The following RFX1 variants were observed in gnomAD, a reference collection of about 807,000 sequenced individuals.
The protein encoded by RFX1 is MHC class II regulatory factor RFX1.
In RFX1, 42 loss-of-function variants were observed where a neutral mutation model predicts 119.6. The ratio of observed to expected loss-of-function variants is 0.35; its 90% CI spans 0.27 to 0.45. The LOEUF is 0.45. Ranked by LOEUF, RFX1 falls within the 20% of genes least tolerant of loss-of-function variation. RFX1 has a pLI of 1.00. For missense variants in RFX1, 1,118 were observed against 1,368.1 expected (o/e 0.82, Z 2.88); for synonymous variants, 628 against 618.5 (o/e 1.02, Z -0.23).
intron 1 of RFX1, among the ~76,000 whole-genome samples, chr19:13,995,588 C>T (rs184360260): frequency 7.4e-4 from 112 of 152,304 alleles, no homozygotes; most frequent in Middle Eastern, 3.4e-3. Flanking sequence ...CAGTGGCTCA[C>T]GCCTGTAATC....
In RFX1 at chr19:13,965,530, C is replaced by G; in HGVS notation, c.2130G>C (p.Ala710=). The G allele has an allele frequency of 1.2e-6, 2 of 1,613,534 alleles. No homozygotes were observed. Among genetic ancestry groups the G allele is most frequent in the South Asian group, 2.2e-5 (2 of 91,066 alleles). The change falls in exon 16 of 21, where the codon GCG becomes GCC. Residue 710 remains alanine (A), a synonymous_variant. Coordinates refer to ENST00000254325, the MANE Select transcript of RFX1 (RefSeq NM_002918.5). The surrounding 1 kb of genome is among the most constrained non-coding windows in gnomAD (Gnocchi z 4.7). The part of the protein sequence containing the change: ...LRPIPSALTQ[A]IRNFAKSLES... Reference sequence around the variant, plus strand: ...CCAGGCTCTTGGCAAAGTTCCGGATCGCTTGGGTCAAGGCACCTGTGGGCG... The same window carrying G: ...CCAGGCTCTTGGCAAAGTTCCGGATGGCTTGGGTCAAGGCACCTGTGGGCG...
At chr19:13,992,899 T>C (rs1244577658) in intron 2 of RFX1, among the ~76,000 whole-genome samples, 1 of 152,132 alleles carries the variant, frequency 6.6e-6, no homozygotes, top group Admixed American at 6.6e-5. Flanking sequence ...TGGGAGGCTA[T>C]GGCAGGAGGA....
At chr19:13,973,949 TAAA>T (rs57115525) in intron 8 of RFX1, among the ~76,000 whole-genome samples, 1 of 141,082 alleles carries the variant, frequency 7.1e-6, no homozygotes. Context: ...TCTTTTTAAT[TAAA>T]AAAAAAAAAA....
chr19:14,005,323 C>T (rs549776394), intron 1 of RFX1, among the ~76,000 whole-genome samples: 1 of 152,340 alleles, frequency 6.6e-6, no homozygotes, highest in East Asian at 1.9e-4. Context: ...CTAGCTCCTC[C>T]ATGAAACTTT....
intron 8 of RFX1, among the ~76,000 whole-genome samples, chr19:13,976,113 G>A (rs1974247503): frequency 6.6e-6 from 1 of 152,230 alleles, no homozygotes; most frequent in Non-Finnish European, 1.5e-5. Context: ...CAACCACACA[G>A]TGAAAAGATT....
Position 13,968,739 on chromosome 19 carries a change from G to A in RFX1, c.1616+36C>T, listed in dbSNP as rs376559004. ...GGGGCCGGCCTGTGTGCCCTTCCCC[G>A]CCTGCCCTGCCCTGGGTCCGGCCCT... On this transcript the variant is annotated intron_variant, in intron 11 of 20. Coordinates refer to ENST00000254325, the MANE Select transcript of RFX1 (RefSeq NM_002918.5). This position sits in a 1 kb window ranked among gnomAD's most constrained non-coding sequence, Gnocchi z 5.5. The A allele has an allele frequency of 3.0e-5, 48 of 1,608,620 alleles. No homozygotes were observed. The East Asian group carries it at 5.4e-4, about 18-fold the overall frequency.
chr19:13,983,026 C>CA, intron 4 of RFX1, 161 bp downstream of exon 4: 1 of 603,386 alleles, frequency 1.7e-6, no homozygotes, highest in Non-Finnish European at 2.9e-6. Flanking sequence ...CGGATAGTCT[C>CA]ACCCTGGGGA....
rs780011950 is a variant in RFX1, at chr19:13,978,021, G to A, written c.900C>T (p.Gly300=). The change falls in exon 8 of 21, where the codon GGC becomes GGT. Residue 300 remains glycine, a synonymous_variant. Transcript: ENST00000254325. ...VYSSQVQYVE[G]GDASYTASAI... ...CACTGGCCGTGTAGCTGGCATCGCC[G>A]CCCTCCACATACTGCACCTGGCTGG... The A allele has an allele frequency of 1.9e-5, 31 of 1,613,140 alleles. No homozygotes were observed. The highest frequency in any genetic ancestry group is 6.7e-5 in the East Asian group (3 of 44,862).
rs201046489 is a variant in RFX1 at position 13,972,958 on chromosome 19, C to T, written c.1099G>A (p.Ala367Thr). 24 of 1,599,102 alleles carry T rather than the reference C, an allele frequency of 1.5e-5. No homozygotes were observed. The highest frequency in any genetic ancestry group is 2.0e-4 in the Middle Eastern group (1 of 5,116). Residue 367 changes from alanine to threonine, a missense_variant, in exon 9 of 21, where the codon GCC (alanine) becomes ACC (threonine). Transcript: ENST00000254325. ...CCAGCCCCAGTGCTGGTGGAGCTGG[C>T]GACGACCTGGCTGCCGGACACGTAC... ...PMYVSGSQVVASSTSTGAGAS... is the reference protein window; with the variant it reads ...PMYVSGSQVVTSSTSTGAGAS...
rs1259092871 is a variant in RFX1, at chr19:13,961,730, C to T, written c.*965G>A. 6 of 152,314 alleles carry T rather than the reference C, an allele frequency of 3.9e-5. No homozygotes were observed. Among genetic ancestry groups the T allele is most frequent in the Admixed American group, 3.9e-4 (6 of 15,270 alleles). The allele number at this position is 152,314 out of a possible 1,614,324, so 9.4% of individuals were successfully genotyped here. ...AAATAGTGATTTTTATACAATAGGT[C>T]AGATTTCCATTTTTTTTTCCTTTTT... is the stretch of plus-strand genomic sequence containing the variant. On this transcript the variant is annotated 3_prime_UTR_variant, in exon 21 of 21. Transcript: ENST00000254325.
At chr19:13,998,822 C>T (rs1488139902) in intron 1 of RFX1, among the ~76,000 whole-genome samples, 1 of 152,200 alleles carries the variant, frequency 6.6e-6, no homozygotes, top group African/African-American at 2.4e-5. Context: ...CCTAAGAGAC[C>T]TGGCCCCTTG....
At chr19:13,982,279 A>G (rs1974454226) in intron 4 of RFX1, 51 bp from the exon 5 acceptor site, 1 of 1,047,970 alleles carries the variant, frequency 9.5e-7, no homozygotes, top group African/African-American at 1.6e-5. Context: ...CAGCCCGTGC[A>G]GTTGCACCGA....
rs1397945726 is a variant in RFX1 at position 13,983,254 on chromosome 19, G to A, written c.446C>T (p.Thr149Met). 5 of 1,563,950 alleles carry A rather than the reference G, an allele frequency of 3.2e-6. No individual in the cohort carries two copies. The highest frequency in any genetic ancestry group is 3.4e-6 in the Non-Finnish European group (4 of 1,159,616). ...QGTQQRLLVQ[T>M]SVQAKPGHVS... ...GTGGCCTGGCTTGGCCTGCACGCTCGTCTGGACCAGCAGCCGCTGTGGAGA... is the reference window on the plus strand; with the variant it reads ...GTGGCCTGGCTTGGCCTGCACGCTCATCTGGACCAGCAGCCGCTGTGGAGA... Residue 149 changes from threonine (T) to methionine (M), a missense_variant, in exon 4 of 21, where the codon ACG (threonine) becomes ATG (methionine). Coordinates refer to ENST00000254325, the MANE Select transcript of RFX1 (RefSeq NM_002918.5).
chr19:13,967,126 G>A (rs1426251592), intron 12 of RFX1, among the ~76,000 whole-genome samples: 1 of 152,170 alleles, frequency 6.6e-6, no homozygotes, highest in Admixed American at 6.5e-5. Flanking sequence ...CCCAGGTTGG[G>A]GCTAGCCATG....
intron 1 of RFX1, among the ~76,000 whole-genome samples, chr19:14,000,256 C>G (rs927196697): frequency 1.3e-5 from 2 of 152,090 alleles, no homozygotes; most frequent in South Asian, 4.1e-4. Flanking sequence ...AAGGCTGAGG[C>G]GGGCGGATCA....
intron 2 of RFX1, among the ~76,000 whole-genome samples, chr19:13,984,394 C>T (rs1164318178): frequency 2.6e-5 from 4 of 152,142 alleles, no homozygotes; most frequent in Non-Finnish European, 4.4e-5. Flanking sequence ...TGGAAAAACA[C>T]TCCCCTCCCC....
At chr19:13,963,071 GTCCCGCCGCCTGGCGCCCC>G (rs1367099063) in intron 19 of RFX1, 32 bp from the exon 20 acceptor site, 1 of 1,594,434 alleles carries the variant, frequency 6.3e-7, no homozygotes, top group African/African-American at 1.3e-5. Context: ...ATGGGTGAGG[GTCCCGCCGCCTGGCGCCCC>G]GCCCGCGCCC....
chr19:13,963,431 G>T, intron 18 of RFX1, 107 bp downstream of exon 18: 2 of 1,421,336 alleles, frequency 1.4e-6, no homozygotes, highest in Non-Finnish European at 9.5e-7. Context: ...GCCCCAGCCT[G>T]CCCGCCCAGC....
At position 13,980,255 on chromosome 19, in the gene RFX1, G is replaced by A. The variant is rs1305250803; in HGVS notation, c.738+318C>T. ...AATCCTCCCCAGAAGGAGCCAGGAT[G>A]TGGCCTCGGGGCTTCCTTCAGGCAA... On this transcript the variant is annotated intron_variant, in intron 6 of 20. Coordinates refer to ENST00000254325, the MANE Select transcript of RFX1 (RefSeq NM_002918.5). The surrounding 1 kb of genome is among the most constrained non-coding windows in gnomAD (Gnocchi z 5.1). 2.0e-5 allele frequency among the ~76,000 whole-genome samples: 3 copies of A among 152,134 alleles called. No individual in the cohort carries two copies. The highest frequency in any genetic ancestry group is 7.2e-5 in the African/African-American group (3 of 41,426).
Sources: gnomAD v4.1 joint callset for allele counts (sites outside exome capture counted in the v4.1 genomes callset) on GRCh38, gnomAD v4.1.1 for gene constraint, Gnocchi (gnomAD v3.1) non-coding constraint, MANE v1.5 for transcripts, NCBI Gene and HGNC (gene_info 2026-07-23, HGNC 2026-07-21) for gene names.